MYH11: variants seen among roughly 807,000 people sequenced by gnomAD.
MYH11 encodes the protein myosin heavy chain 11.
Under a neutral mutation model 246.6 loss-of-function variants are expected in MYH11, and 80 were observed. That is an observed-to-expected ratio of 0.32 (90% CI 0.27 to 0.39). The LOEUF is 0.39. Among genes scored for constraint, MYH11 ranks in the 10% least tolerant of loss-of-function variants. MYH11 has a pLI of 1.00. For synonymous variants in MYH11, 1,071 were observed against 1,015.5 expected (o/e 1.05, Z -1.04); for missense variants, 2,158 against 2,546.8 (o/e 0.85, Z 3.29).
chr16:15,820,624 C>T (rs2043385981), intron 3 of MYH11, among the ~76,000 whole-genome samples: 1 of 152,196 alleles, frequency 6.6e-6, no homozygotes, highest in African/African-American at 2.4e-5. Context: ...ACTGGTGACC[C>T]ATCAAATAAA....
intron 3 of MYH11, among the ~76,000 whole-genome samples, chr16:15,801,881 C>T (rs2042895503): frequency 1.3e-5 from 2 of 149,630 alleles, no homozygotes; most frequent in East Asian, 2.0e-4. Flanking sequence ...CACTTCAACC[C>T]AGGAGGTGGA....
intron 40 of MYH11, chr16:15,714,144 C>T (rs1303146658): frequency 6.5e-6 from 1 of 152,698 alleles, no homozygotes; most frequent in South Asian, 2.1e-4. Context: ...AAGCCCGGAG[C>T]TAAAACCTCC....
chr16:15,703,588 GGGTGGT>G lies in MYH11; in HGVS notation c.*397_*402del, dbSNP rs1223573737. The G allele has an allele frequency of 5.3e-6, 2 of 375,992 alleles. No individual in the cohort carries two copies. The highest frequency in any genetic ancestry group is 1.0e-5 in the Non-Finnish European group (2 of 199,876). 23.3% of individuals were successfully genotyped at this position (375,992 alleles called of 1,614,324 possible). A position where few individuals can be genotyped will look rare whatever the true frequency, so the allele number is the denominator to read the frequency against. ...TTTACCTTGAATACAGGGGTAGTAG[GGGTGGT>G]GGTGGTGGTGGTGGTTGAGACAGGG... On this transcript the variant is annotated 3_prime_UTR_variant, in exon 41 of 41. Coordinates refer to ENST00000300036, the MANE Select transcript of MYH11 (RefSeq NM_002474.3).
At chr16:15,838,935 T>A (rs2043980232) in intron 1 of MYH11, among the ~76,000 whole-genome samples, 1 of 151,412 alleles carries the variant, frequency 6.6e-6, no homozygotes, top group Non-Finnish European at 1.5e-5. Flanking sequence ...CAAGTCTAAC[T>A]GTGCGCTGCA....
intron 4 of MYH11, among the ~76,000 whole-genome samples, chr16:15,793,667 T>TGGA (rs1232932231): frequency 7.1e-6 from 1 of 141,304 alleles, no homozygotes; most frequent in African/African-American, 2.7e-5. Context: ...TCACCCAGGC[T>TGGA]GGAGTGCACT....
At chr16:15,851,077 G>A (rs1364616431) in intron 1 of MYH11, among the ~76,000 whole-genome samples, 3 of 152,120 alleles carry the variant, frequency 2.0e-5, no homozygotes, top group East Asian at 1.9e-4. Context: ...TCAAATAAAC[G>A]AATGAATGAA....
intron 1 of MYH11, among the ~76,000 whole-genome samples, chr16:15,856,334 A>T (rs562527318): frequency 1.5e-3 from 77 of 51,222 alleles, no homozygotes; most frequent in African/African-American, 3.9e-3. Context: ...TAAACTGATT[A>T]AAAAAAAAAA....
At chr16:15,768,710 C>A (rs1161327199) in intron 9 of MYH11, among the ~76,000 whole-genome samples, 1 of 152,186 alleles carries the variant, frequency 6.6e-6, no homozygotes, top group Non-Finnish European at 1.5e-5. Context: ...TCTTCACTTG[C>A]CATAAATAGA....
chr16:15,709,709 A>G (rs1318640253), intron 40 of MYH11, among the ~76,000 whole-genome samples: 1 of 152,222 alleles, frequency 6.6e-6, no homozygotes, highest in African/African-American at 2.4e-5. Flanking sequence ...TCAGGGAAGT[A>G]AAAGCATTTG....
At chr16:15,732,159 C>T (rs558142264) in intron 27 of MYH11, among the ~76,000 whole-genome samples, 4 of 152,052 alleles carry the variant, frequency 2.6e-5, no homozygotes, top group East Asian at 1.9e-4. Flanking sequence ...GATAGGGTTT[C>T]GCCATGTTGG....
At chr16:15,836,079 A>G (rs2043884228) in intron 2 of MYH11, among the ~76,000 whole-genome samples, 1 of 152,018 alleles carries the variant, frequency 6.6e-6, no homozygotes, top group Admixed American at 6.6e-5. Context: ...TCTTGCATCC[A>G]TTTTACAGAA....
rs2151247943 is a variant in MYH11, at chr16:15,740,056, A to G, written c.2992T>C (p.Ser998Pro). Residue 998 changes from serine (S) to proline (P), a missense_variant, in exon 23 of 41, where the codon TCA (serine) becomes CCA (proline). Physicochemically the swap from Ser to Pro is moderately conservative, Grantham distance 74. Transcript: ENST00000300036. The part of the protein sequence containing the change: ...LVMDDQNNKL[S>P]KERKLLEERI... ...TGCACCCGGCCCCTACTCACTTTTG[A>G]TAGTTTATTGTTCTGATCATCCATG... 1 of 1,613,996 alleles carries G rather than the reference A, an allele frequency of 6.2e-7. No homozygotes were observed. The highest frequency in any genetic ancestry group is 8.5e-7 in the Non-Finnish European group (1 of 1,180,004).
chr16:15,704,076 C>A lies in MYH11; in HGVS notation c.5834G>T (p.Arg1945Leu). Residue 1945 changes from arginine (R) to leucine (L), a missense_variant, in exon 41 of 41, where the codon CGT becomes CTT. Coordinates refer to ENST00000300036, the MANE Select transcript of MYH11 (RefSeq NM_002474.3). ...ACCATCTGCATTTTCAATAACTCTA[C>A]GTCCTCCAGACCTTCTAGAAGGAAC... ...SFVPSRRSGG[R>L]RVIENADGSE... is the part of the protein sequence containing the mutation. The A allele has an allele frequency of 6.2e-7, 1 of 1,614,114 alleles. No homozygotes were observed. The highest frequency in any genetic ancestry group is 8.5e-7 in the Non-Finnish European group (1 of 1,180,014).
At chr16:15,809,994 T>C (rs1470298815) in intron 3 of MYH11, among the ~76,000 whole-genome samples, 1 of 151,992 alleles carries the variant, frequency 6.6e-6, no homozygotes, top group Non-Finnish European at 1.5e-5. Context: ...CTCCCTTAAG[T>C]ATGTCCCTTT....
At chr16:15,847,558 G>A (rs1596953940) in intron 1 of MYH11, among the ~76,000 whole-genome samples, 1 of 152,156 alleles carries the variant, frequency 6.6e-6, no homozygotes, top group East Asian at 1.9e-4. Flanking sequence ...CCAGCCCTAA[G>A]TGGGCTCTTC....
At chr16:15,715,106 G>A in intron 39 of MYH11, 25 bp from the exon 40 acceptor site, 1 of 1,602,666 alleles carries the variant, frequency 6.2e-7, no homozygotes, top group Non-Finnish European at 8.5e-7. Flanking sequence ...TGGAGGGGTG[G>A]TTAGGGGAGG....
chr16:15,717,168 G>A lies in MYH11; in HGVS notation c.5476C>T (p.Leu1826=). ...GCCTCCTGCTCGACCTGCTCCTCCA[G>A]CTGTGCAATCTTGGCCTCCAGCGCC... The part of the protein sequence containing the change: ...IAALEAKIAQ[L]EEQVEQEARE... Residue 1826 remains leucine, a synonymous_variant, in exon 38 of 41, where the codon CTG becomes TTG. Coordinates refer to ENST00000300036, the MANE Select transcript of MYH11 (RefSeq NM_002474.3). 1 of 1,614,166 alleles carries A rather than the reference G, an allele frequency of 6.2e-7. No individual in the cohort carries two copies. The highest frequency in any genetic ancestry group is 8.5e-7 in the Non-Finnish European group (1 of 1,180,028).
intron 1 of MYH11, among the ~76,000 whole-genome samples, chr16:15,855,191 G>T (rs1184322356): frequency 1.3e-5 from 2 of 152,206 alleles, no homozygotes; most frequent in Non-Finnish European, 2.9e-5. Context: ...GGCAAGCCTG[G>T]CGGCTTCTCG....
intron 14 of MYH11, among the ~76,000 whole-genome samples, chr16:15,755,242 C>T (rs906454900): frequency 6.6e-6 from 1 of 152,192 alleles, no homozygotes; most frequent in African/African-American, 2.4e-5. Flanking sequence ...TGTACATTAT[C>T]CAGGACTCTT....
Sources: allele counts gnomAD v4.1 joint callset (sites outside exome capture counted in the v4.1 genomes callset), GRCh38; gene constraint gnomAD v4.1.1; transcripts MANE v1.5; gene names NCBI Gene and HGNC (gene_info 2026-07-23, HGNC 2026-07-21).